Variants in C8orf34 observed in about 807,000 individuals in gnomAD.
C8orf34 encodes the protein chromosome 8 open reading frame 34.
A neutral mutation model predicts 68.3 loss-of-function variants in C8orf34; 65 were observed. The ratio of observed to expected loss-of-function variants is 0.95; its 90% CI spans 0.78 to 1.17. The LOEUF (loss-of-function observed/expected upper bound fraction) is 1.17, where lower values mean the gene tolerates loss of function less well. Ranked by LOEUF, C8orf34 falls within the 50% of genes most tolerant of loss-of-function variation. The pLI is 0.00. For missense variants in C8orf34, 664 were observed against 655.4 expected (o/e 1.01, Z -0.14); for synonymous variants, 244 against 241.2 (o/e 1.01, Z -0.11).
intron 9 of C8orf34, among the ~76,000 whole-genome samples, chr8:68,713,432 G>C (rs1337165266): frequency 2.0e-5 from 3 of 152,002 alleles, no homozygotes. Context: ...AAGAAAAGAA[G>C]AGAGAAGATG....
chr8:68,708,009 G>A (rs1170512313), intron 8 of C8orf34, among the ~76,000 whole-genome samples: 2 of 151,960 alleles, frequency 1.3e-5, no homozygotes, highest in African/African-American at 2.4e-5. Flanking sequence ...TATTTAAAGT[G>A]GTCTTTTTCC....
chr8:68,516,753 G>C (rs1045480186), intron 5 of C8orf34, among the ~76,000 whole-genome samples: 1 of 152,026 alleles, frequency 6.6e-6, no homozygotes, highest in Admixed American at 6.6e-5. Flanking sequence ...TGATTCTCCT[G>C]CATCTGCCTC....
At chr8:68,613,881 G>A (rs1406487139) in intron 7 of C8orf34, among the ~76,000 whole-genome samples, 6 of 151,964 alleles carry the variant, frequency 3.9e-5, no homozygotes, top group Non-Finnish European at 8.8e-5. Context: ...TTCCACAATG[G>A]TTGAACTAGT....
chr8:68,771,765 C>T (rs958264903), intron 10 of C8orf34, among the ~76,000 whole-genome samples: 16 of 152,060 alleles, frequency 1.1e-4, no homozygotes, highest in Admixed American at 3.3e-4. Context: ...TGGGAGTGCT[C>T]AATACATGTT....
Position 68,680,015 on chromosome 8 carries a change from C to A in C8orf34, c.1242-28979C>A, listed in dbSNP as rs147705448. On this transcript the variant is annotated intron_variant, in intron 8 of 13. Coordinates refer to ENST00000518698, the MANE Select transcript of C8orf34 (RefSeq NM_052958.4). The stretch of plus-strand genomic sequence containing the variant: ...AAGTTCTCCAGGACACTGGACTGGG[C>A]AAAAATATCTTGAGTTATCTCTACA... Among the ~76,000 whole-genome samples the A allele has an allele frequency of 4.7e-3, 721 of 152,200 alleles. 3 individuals are homozygous for A. The highest frequency in any genetic ancestry group is 0.016 in the African/African-American group (684 of 41,556).
At chr8:68,670,642 T>C (rs1225599059) in intron 8 of C8orf34, among the ~76,000 whole-genome samples, 1 of 152,150 alleles carries the variant, frequency 6.6e-6, no homozygotes, top group African/African-American at 2.4e-5. Context: ...TCATTTACTG[T>C]CCCCTTGCAA....
At chr8:68,638,318 CT>C (rs138393548) in intron 7 of C8orf34, among the ~76,000 whole-genome samples, 3,559 of 141,254 alleles carry the variant, frequency 0.025, 129 homozygotes, top group African/African-American at 0.08. Flanking sequence ...TTTTTTTTTT[CT>C]TTTTTTTTTT....
chr8:68,462,816 C>A, intron 3 of C8orf34, among the ~76,000 whole-genome samples: 1 of 151,938 alleles, frequency 6.6e-6, no homozygotes, highest in East Asian at 1.9e-4. Context: ...ATGTATAACA[C>A]TAAATGCCCA....
chr8:68,482,590 T>C (rs1238287677), intron 4 of C8orf34, among the ~76,000 whole-genome samples: 1 of 152,218 alleles, frequency 6.6e-6, no homozygotes, highest in East Asian at 1.9e-4. Context: ...GGTGTTTTAG[T>C]TGACTAATTG....
chr8:68,530,676 T>A, intron 6 of C8orf34: 1 of 1,094,232 alleles, frequency 9.1e-7, no homozygotes, highest in Non-Finnish European at 1.2e-6. Context: ...CCTTCCATTT[T>A]CAAGTGAATA....
chr8:68,380,014 C>T (rs555080589), intron 1 of C8orf34, among the ~76,000 whole-genome samples: 44 of 152,172 alleles, frequency 2.9e-4, no homozygotes, highest in Middle Eastern at 3.4e-3. Flanking sequence ...CACTACACCC[C>T]CCTTCTAATT....
At chr8:68,811,248 G>A (rs1166408636) in intron 12 of C8orf34, among the ~76,000 whole-genome samples, 1 of 152,344 alleles carries the variant, frequency 6.6e-6, no homozygotes, top group South Asian at 2.1e-4. Context: ...GGTTGTGACA[G>A]TGCCTGAACT....
At chr8:68,795,332 T>C (rs1824147286) in intron 12 of C8orf34, among the ~76,000 whole-genome samples, 1 of 152,096 alleles carries the variant, frequency 6.6e-6, no homozygotes, top group Admixed American at 6.5e-5. Flanking sequence ...TGCTTTTTTT[T>C]TTTTTTTTCC....
intron 7 of C8orf34, among the ~76,000 whole-genome samples, chr8:68,560,754 T>C (rs1004852955): frequency 6.6e-6 from 1 of 152,118 alleles, no homozygotes; most frequent in African/African-American, 2.4e-5. Context: ...TACAGGACAC[T>C]TAACATAGAT....
chr8:68,687,242 A>G (rs905739503), intron 8 of C8orf34, among the ~76,000 whole-genome samples: 5 of 152,022 alleles, frequency 3.3e-5, no homozygotes, highest in African/African-American at 1.2e-4. Context: ...ATTATTTTTC[A>G]TAGAACTAGA....
intron 5 of C8orf34, among the ~76,000 whole-genome samples, chr8:68,492,327 T>C (rs1813348705): frequency 6.6e-6 from 1 of 152,162 alleles, no homozygotes; most frequent in Non-Finnish European, 1.5e-5. Context: ...TCTCCTGGGC[T>C]CAAATGACCC....
At chr8:68,509,056 C>G (rs572992853) in intron 5 of C8orf34, among the ~76,000 whole-genome samples, 43 of 152,202 alleles carry the variant, frequency 2.8e-4, no homozygotes, top group Non-Finnish European at 5.3e-4. Flanking sequence ...TTCTGGGGAC[C>G]CCTCTCCCAC....
chr8:68,334,394 T>A (rs1054667082), intron 1 of C8orf34, among the ~76,000 whole-genome samples: 1 of 151,652 alleles, frequency 6.6e-6, no homozygotes, highest in Non-Finnish European at 1.5e-5. Flanking sequence ...TTTTGTAAGA[T>A]GTAATGGTTT....
chr8:68,352,219 A>C (rs2129618595), intron 1 of C8orf34, among the ~76,000 whole-genome samples: 2 of 152,186 alleles, frequency 1.3e-5, no homozygotes, highest in East Asian at 3.9e-4. Flanking sequence ...AGGAAATCTG[A>C]ATTAACAGAG....
Sources: allele counts gnomAD v4.1 joint callset (sites outside exome capture counted in the v4.1 genomes callset), GRCh38; gene constraint gnomAD v4.1.1; transcripts MANE v1.5; gene names NCBI Gene and HGNC (gene_info 2026-07-23, HGNC 2026-07-21).